Variants in RAI14 observed in about 807,000 individuals in gnomAD.
RAI14 encodes the protein ankycorbin.
RAI14 carries 45 observed loss-of-function variants against 115.4 expected under a neutral mutation model. The ratio of observed to expected loss-of-function variants is 0.39; its 90% CI spans 0.31 to 0.50. RAI14 has a LOEUF of 0.50. RAI14 is among the 20% of genes least tolerant of loss of function. RAI14 has a pLI of 0.85. For missense variants in RAI14, 939 were observed against 1,131.2 expected (o/e 0.83, Z 2.44); for synonymous variants, 371 against 415.4 (o/e 0.89, Z 1.30).
At chr5:34,753,784 T>C (rs752080092) in intron 2 of RAI14, among the ~76,000 whole-genome samples, 24 of 151,934 alleles carry the variant, frequency 1.6e-4, no homozygotes, top group Non-Finnish European at 3.5e-4. Flanking sequence ...CGTGGTGGCA[T>C]GTGCCTGTAG....
chr5:34,668,377 G>A (rs917397230), intron 1 of RAI14, among the ~76,000 whole-genome samples: 5 of 147,690 alleles, frequency 3.4e-5, no homozygotes, highest in African/African-American at 1.3e-4. Context: ...CTAGGCAACA[G>A]AGCGAGACTC....
rs963208242 is a variant in RAI14, at chr5:34,822,876, A to G, written c.1114-80A>G. 1.6e-4 allele frequency: 192 copies of G among 1,228,302 alleles called. No homozygotes were observed. The East Asian group carries it at 4.0e-3, about 26-fold the overall frequency. 76.1% of individuals were successfully genotyped at this position (1,228,302 alleles called of 1,614,324 possible). On this transcript the variant is annotated intron_variant, in intron 14 of 17. Transcript: ENST00000265109. Reference sequence around the variant, plus strand: ...TTTTTTGTATTTTTTTTTAGTAGAGACGGGGTTTCACCGTGTTAGCCAGGA... The same window carrying G: ...TTTTTTGTATTTTTTTTTAGTAGAGGCGGGGTTTCACCGTGTTAGCCAGGA...
At chr5:34,753,299 T>G (rs964754667) in intron 2 of RAI14, among the ~76,000 whole-genome samples, 2 of 152,218 alleles carry the variant, frequency 1.3e-5, no homozygotes, top group African/African-American at 2.4e-5. Flanking sequence ...CTTTACCTAT[T>G]TATTTGACCA....
At position 34,823,514 on chromosome 5, in the gene RAI14, G is replaced by A; in HGVS notation, c.1672G>A (p.Glu558Lys). The A allele has an allele frequency of 6.2e-7, 1 of 1,614,100 alleles. No homozygotes were observed. Among genetic ancestry groups the A allele is most frequent in the Non-Finnish European group, 8.5e-7 (1 of 1,180,004 alleles). Residue 558 changes from glutamate (E) to lysine (K), a missense_variant, in exon 15 of 18, where the codon GAA becomes AAA. Coordinates refer to ENST00000265109, the MANE Select transcript of RAI14 (RefSeq NM_015577.3). The surrounding 1 kb of genome is among the most constrained non-coding windows in gnomAD (Gnocchi z 4.5). ...TAAAGAGAAAGTGAGAGAGTTAGAG[G>A]AAAAACTGGTAGAGAGGGAGAAAGG... is the stretch of plus-strand genomic sequence containing the variant. ...RNKEKVRELE[E>K]KLVEREKGTV...
At chr5:34,717,677 C>A (rs1328907425) in intron 2 of RAI14, among the ~76,000 whole-genome samples, 1 of 152,108 alleles carries the variant, frequency 6.6e-6, no homozygotes, top group Non-Finnish European at 1.5e-5. Flanking sequence ...ATCCCAGTCA[C>A]CCCACCCATG....
At chr5:34,807,042 C>T (rs1427056725) in intron 5 of RAI14, among the ~76,000 whole-genome samples, 4 of 152,146 alleles carry the variant, frequency 2.6e-5, no homozygotes, top group African/African-American at 4.8e-5. Flanking sequence ...GTGCCTGGCA[C>T]GTGAGAGCTA....
intron 13 of RAI14, 134 bp from the exon 14 acceptor site, chr5:34,821,598 C>A (rs1223295036): frequency 1.7e-6 from 1 of 597,632 alleles, no homozygotes. Context: ...TTAGTTCACC[C>A]ATCCAGCTGC....
chr5:34,690,721 T>C (rs934942492), intron 2 of RAI14, among the ~76,000 whole-genome samples: 2 of 152,152 alleles, frequency 1.3e-5, no homozygotes, highest in Non-Finnish European at 2.9e-5. Flanking sequence ...TTAAATCTAT[T>C]TGGGACCCTG....
chr5:34,679,084 C>A (rs1191569751), intron 1 of RAI14, among the ~76,000 whole-genome samples: 1 of 152,132 alleles, frequency 6.6e-6, no homozygotes, highest in Non-Finnish European at 1.5e-5. Flanking sequence ...ATCAGACACC[C>A]GTCCAACCTC....
In RAI14 at chr5:34,831,077, A is replaced by C; in HGVS notation, c.*312A>C. ...CCCCTCCTCCATCCCTGACTGGCTG[A>C]GTGGCTTTATCACCACCGAGTGATG... On this transcript the variant is annotated 3_prime_UTR_variant, in exon 18 of 18. Transcript: ENST00000265109. 1 of 301,038 alleles carries C rather than the reference A, an allele frequency of 3.3e-6. No homozygotes were observed. 18.6% of individuals were successfully genotyped at this position (301,038 alleles called of 1,614,324 possible). A position where few individuals can be genotyped will look rare whatever the true frequency, so the allele number is the denominator to read the frequency against.
At chr5:34,762,929 A>ATG (rs34495404) in intron 3 of RAI14, among the ~76,000 whole-genome samples, 4,780 of 129,042 alleles carry the variant, frequency 0.037, 96 homozygotes, top group East Asian at 0.064. Flanking sequence ...GAGTGTGTGC[A>ATG]TGTGTGTGTG....
chr5:34,754,336 A>G (rs1380957787), intron 2 of RAI14, among the ~76,000 whole-genome samples: 1 of 152,146 alleles, frequency 6.6e-6, no homozygotes, highest in Non-Finnish European at 1.5e-5. Flanking sequence ...TCAGACGTCT[A>G]ATTGGGACCC....
intron 12 of RAI14, among the ~76,000 whole-genome samples, chr5:34,817,565 CA>C (rs1756405742): frequency 6.6e-6 from 1 of 152,124 alleles, no homozygotes; most frequent in South Asian, 2.1e-4. Context: ...GCTTCATTCA[CA>C]ACCTCCCCAA....
intron 2 of RAI14, among the ~76,000 whole-genome samples, chr5:34,757,074 A>T (rs1747983809): frequency 2.6e-5 from 4 of 152,216 alleles, no homozygotes; most frequent in Admixed American, 6.5e-5. Context: ...TGGTTCTGTA[A>T]CACGGTGGAC....
At chr5:34,664,414 CA>C (rs11311801) in intron 1 of RAI14, among the ~76,000 whole-genome samples, 56,421 of 108,116 alleles carry the variant, frequency 0.52, 11,642 homozygotes, top group South Asian at 0.68. Flanking sequence ...GACACTGTCT[CA>C]AAAAAAAAAA....
intron 3 of RAI14, among the ~76,000 whole-genome samples, chr5:34,779,502 G>A (rs1482015695): frequency 6.6e-6 from 1 of 152,164 alleles, no homozygotes; most frequent in Admixed American, 6.6e-5. Flanking sequence ...ATCTCCTTAA[G>A]CTGATAAGCA....
chr5:34,692,156 G>A (rs917197432), intron 2 of RAI14, among the ~76,000 whole-genome samples: 15 of 152,052 alleles, frequency 9.9e-5, no homozygotes, highest in African/African-American at 3.6e-4. Context: ...CCAGCTACTC[G>A]GGAGGCTGAG....
intron 2 of RAI14, among the ~76,000 whole-genome samples, chr5:34,691,786 A>T (rs1381570586): frequency 6.6e-6 from 1 of 152,282 alleles, no homozygotes; most frequent in South Asian, 2.1e-4. Context: ...ACATTCCATT[A>T]AAAAAATCAA....
At chr5:34,830,111 A>C (rs1325096070) in intron 17 of RAI14, among the ~76,000 whole-genome samples, 1 of 152,114 alleles carries the variant, frequency 6.6e-6, no homozygotes, top group African/African-American at 2.4e-5. Context: ...TAGCCTCCCA[A>C]GTAGGTGGGA....
Sources: gnomAD v4.1 joint callset for allele counts (sites outside exome capture counted in the v4.1 genomes callset) on GRCh38, gnomAD v4.1.1 for gene constraint, Gnocchi (gnomAD v3.1) non-coding constraint, MANE v1.5 for transcripts, NCBI Gene and HGNC (gene_info 2026-07-23, HGNC 2026-07-21) for gene names.